TAS2R1: variants seen among roughly 807,000 people sequenced by gnomAD.
TAS2R1 encodes the protein taste receptor type 2 member 1.
For synonymous variants in TAS2R1, 141 were observed against 134.2 expected (o/e 1.05, Z -0.35); for missense variants, 370 against 353.4 (o/e 1.05, Z -0.38).
At chr5:9,793,266 T>C in the TAS2R1 span, among the ~76,000 whole-genome samples, 1 of 152,166 alleles carries the variant, frequency 6.6e-6, no homozygotes, top group Non-Finnish European at 1.5e-5. Context: ...ACATATTGTA[T>C]AAATTAGGAA....
At chr5:9,825,941 T>C in the TAS2R1 span, among the ~76,000 whole-genome samples, 1 of 152,156 alleles carries the variant, frequency 6.6e-6, no homozygotes, top group Non-Finnish European at 1.5e-5. Flanking sequence ...GGAGCCATGA[T>C]TCCTTACAGG....
the TAS2R1 span, among the ~76,000 whole-genome samples, chr5:9,772,324 CTTG>C: frequency 6.6e-6 from 1 of 152,014 alleles, no homozygotes; most frequent in African/African-American, 2.4e-5. Context: ...CAAAGTTTCT[CTTG>C]TTATTGATTT....
At chr5:9,733,592 C>G in the TAS2R1 span, among the ~76,000 whole-genome samples, 1 of 152,174 alleles carries the variant, frequency 6.6e-6, no homozygotes, top group Non-Finnish European at 1.5e-5. Flanking sequence ...CATTTGGCTT[C>G]CAAGCAGCTC....
chr5:9,690,752 G>A (rs1370749756), intron 1 of TAS2R1, among the ~76,000 whole-genome samples: 5 of 151,902 alleles, frequency 3.3e-5, no homozygotes, highest in South Asian at 2.1e-4. Context: ...CCAACCACAC[G>A]AAATAAGGGG....
chr5:9,873,735 G>A, the TAS2R1 span, among the ~76,000 whole-genome samples: 1 of 151,910 alleles, frequency 6.6e-6, no homozygotes, highest in Admixed American at 6.6e-5. Flanking sequence ...CGGTAGTGGT[G>A]GCCTGCACTT....
At chr5:9,858,094 A>G in the TAS2R1 span, among the ~76,000 whole-genome samples, 1 of 152,062 alleles carries the variant, frequency 6.6e-6, no homozygotes, top group Non-Finnish European at 1.5e-5. Context: ...GGGTGGGCCT[A>G]GAGTCTGAAT....
intron 1 of TAS2R1, among the ~76,000 whole-genome samples, chr5:9,706,750 C>T (rs1433145451): frequency 2.0e-5 from 3 of 152,058 alleles, no homozygotes; most frequent in Admixed American, 6.5e-5. Context: ...TGCTACCCGA[C>T]GGAGAGCAGA....
At chr5:9,771,803 C>T in the TAS2R1 span, among the ~76,000 whole-genome samples, 2 of 152,030 alleles carry the variant, frequency 1.3e-5, no homozygotes, top group African/African-American at 4.8e-5. Flanking sequence ...CATATAGTTG[C>T]TCACAGTAGC....
the TAS2R1 span, among the ~76,000 whole-genome samples, chr5:9,761,209 G>A: frequency 6.6e-6 from 1 of 152,322 alleles, no homozygotes; most frequent in African/African-American, 2.4e-5. Context: ...TGAGAAGGTT[G>A]TGACCCAACT....
chr5:9,840,937 C>T, the TAS2R1 span, among the ~76,000 whole-genome samples: 1 of 144,420 alleles, frequency 6.9e-6, no homozygotes, highest in Non-Finnish European at 1.5e-5. Context: ...TGCAGTGGCA[C>T]AATCTCAGCT....
chr5:9,774,517 T>C, the TAS2R1 span, among the ~76,000 whole-genome samples: 112,057 of 152,126 alleles, frequency 0.74, 41,489 homozygotes, highest in East Asian at 0.81. Context: ...TTCAAGAGCT[T>C]GGCATTTATT....
chr5:9,656,787 T>G (rs1021388597), intron 2 of TAS2R1, among the ~76,000 whole-genome samples: 1 of 152,196 alleles, frequency 6.6e-6, no homozygotes, highest in African/African-American at 2.4e-5. Flanking sequence ...TTAATAGAAC[T>G]CATAAAAATG....
chr5:9,790,309 T>C, the TAS2R1 span, among the ~76,000 whole-genome samples: 3,674 of 152,312 alleles, frequency 0.024, 159 homozygotes, highest in African/African-American at 0.084. Flanking sequence ...GTGTATTTAA[T>C]AATTTTTACT....
intron 1 of TAS2R1, among the ~76,000 whole-genome samples, chr5:9,691,753 G>T (rs1031290450): frequency 6.6e-6 from 1 of 152,194 alleles, no homozygotes; most frequent in Non-Finnish European, 1.5e-5. Flanking sequence ...AAAACAAACT[G>T]AGATGTTTGA....
At chr5:9,692,673 C>T (rs1272127324) in intron 1 of TAS2R1, among the ~76,000 whole-genome samples, 1 of 152,196 alleles carries the variant, frequency 6.6e-6, no homozygotes, top group Admixed American at 6.5e-5. Flanking sequence ...GTCTTCATGA[C>T]ATAATGAGAA....
At chr5:9,712,993 C>T (rs1438775427), upstream of TAS2R1, 1 of 152,262 alleles carries the variant, frequency 6.6e-6, no homozygotes, top group Non-Finnish European at 1.5e-5. Flanking sequence ...TCATGCCACC[C>T]CCTTCCACCA....
At chr5:9,873,631 C>G in the TAS2R1 span, among the ~76,000 whole-genome samples, 1 of 151,784 alleles carries the variant, frequency 6.6e-6, no homozygotes, top group East Asian at 1.9e-4. Flanking sequence ...CTTTGGGAGG[C>G]CGAGGCAGGT....
intron 1 of TAS2R1, among the ~76,000 whole-genome samples, chr5:9,678,472 A>G (rs1315781200): frequency 6.6e-6 from 1 of 152,208 alleles, no homozygotes; most frequent in Non-Finnish European, 1.5e-5. Flanking sequence ...TCATAAATAT[A>G]CATGCATGCA....
chr5:9,805,367 A>G, the TAS2R1 span, among the ~76,000 whole-genome samples: 1 of 152,170 alleles, frequency 6.6e-6, no homozygotes, highest in Non-Finnish European at 1.5e-5. Context: ...ACAATAGAGA[A>G]AGAGGAAATT....
Sources: allele counts gnomAD v4.1 joint callset (sites outside exome capture counted in the v4.1 genomes callset), GRCh38; gene constraint gnomAD v4.1.1; transcripts MANE v1.5; gene names NCBI Gene and HGNC (gene_info 2026-07-23, HGNC 2026-07-21).